The following PCDH15 variants were observed in gnomAD, a reference collection of about 807,000 sequenced individuals.
The protein encoded by PCDH15 is protocadherin-15.
Under a neutral mutation model 178.5 loss-of-function variants are expected in PCDH15, and 129 were observed. The observed-to-expected ratio is 0.72, with a 90% CI of 0.63 to 0.84. The LOEUF is 0.84. PCDH15 is among the 40% of genes least tolerant of loss of function. PCDH15 has a pLI of 0.00. For synonymous variants in PCDH15, 800 were observed against 732.0 expected (o/e 1.09, Z -1.50); for missense variants, 2,230 against 2,099.9 (o/e 1.06, Z -1.21).
intron 2 of PCDH15, among the ~76,000 whole-genome samples, chr10:55,156,461 C>T (rs1423498820): frequency 6.6e-6 from 1 of 152,024 alleles, no homozygotes; most frequent in African/African-American, 2.4e-5. Flanking sequence ...CAATTGGCAC[C>T]TCCATGTGGC....
At chr10:54,666,667 A>C (rs1009277724) in intron 1 of PCDH15, among the ~76,000 whole-genome samples, 1 of 152,068 alleles carries the variant, frequency 6.6e-6, no homozygotes, top group African/African-American at 2.4e-5. Flanking sequence ...ATACAAATAC[A>C]AACCAGAAAG....
intron 1 of PCDH15, among the ~76,000 whole-genome samples, chr10:55,261,770 T>C (rs770181075): frequency 1.3e-5 from 2 of 152,194 alleles, no homozygotes; most frequent in Non-Finnish European, 2.9e-5. Flanking sequence ...TTCTAAATCA[T>C]ATTTAAAAAG....
intron 1 of PCDH15, among the ~76,000 whole-genome samples, chr10:54,728,283 A>G (rs978847476): frequency 6.6e-6 from 1 of 151,514 alleles, no homozygotes; most frequent in African/African-American, 2.4e-5. Flanking sequence ...CCACATTTGC[A>G]ACACAATAAA....
At chr10:54,730,443 A>C (rs1160189817) in intron 1 of PCDH15, among the ~76,000 whole-genome samples, 1 of 151,546 alleles carries the variant, frequency 6.6e-6, no homozygotes, top group Non-Finnish European at 1.5e-5. Flanking sequence ...CCTATTGAGT[A>C]CTATGCTCAT....
intron 8 of PCDH15, among the ~76,000 whole-genome samples, chr10:54,310,932 A>G (rs1463992660): frequency 2.6e-5 from 4 of 152,110 alleles, no homozygotes; most frequent in African/African-American, 9.6e-5. Context: ...GATTTCCCAG[A>G]CTGTAATATA....
intron 2 of PCDH15, among the ~76,000 whole-genome samples, chr10:55,464,654 ATGTGTG>A (rs767779818): frequency 7.2e-5 from 1 of 13,814 alleles, no homozygotes; most frequent in Non-Finnish European, 9.6e-5. Context: ...ATATATATAT[ATGTGTG>A]TGTGTGTGTA....
intron 2 of PCDH15, among the ~76,000 whole-genome samples, chr10:55,620,821 T>G (rs1843576754): frequency 6.6e-6 from 1 of 151,472 alleles, no homozygotes; most frequent in South Asian, 2.1e-4. Flanking sequence ...TCCTAAAATT[T>G]TTAAATAATA....
chr10:53,996,044 A>AT (rs1427162866), intron 20 of PCDH15, among the ~76,000 whole-genome samples: 2 of 152,108 alleles, frequency 1.3e-5, no homozygotes, highest in Non-Finnish European at 2.9e-5. Flanking sequence ...TGACCCTGGA[A>AT]TTTTTTTCTA....
intron 2 of PCDH15, among the ~76,000 whole-genome samples, chr10:54,571,544 G>A (rs754849918): frequency 6.6e-6 from 1 of 152,044 alleles, no homozygotes; most frequent in Non-Finnish European, 1.5e-5. Flanking sequence ...ACTAACCCAT[G>A]AGGACTCACT....
At chr10:53,880,988 A>ATG (rs1011394265) in intron 26 of PCDH15, among the ~76,000 whole-genome samples, 4 of 152,082 alleles carry the variant, frequency 2.6e-5, no homozygotes, top group African/African-American at 9.7e-5. Flanking sequence ...CTGTATGTGT[A>ATG]TGTGTGTGTG....
chr10:54,012,812 C>A (rs1404266463), intron 20 of PCDH15, among the ~76,000 whole-genome samples: 1 of 151,974 alleles, frequency 6.6e-6, no homozygotes, highest in African/African-American at 2.4e-5. Context: ...ATGTGAACAG[C>A]CACTACAAAA....
chr10:55,105,546 G>A (rs771426633), intron 2 of PCDH15, among the ~76,000 whole-genome samples: 14 of 152,038 alleles, frequency 9.2e-5, no homozygotes, highest in Non-Finnish European at 1.6e-4. Flanking sequence ...GATATTTTAC[G>A]TTTATTTAAT....
chr10:54,878,737 G>A (rs1403797033), intron 3 of PCDH15, among the ~76,000 whole-genome samples: 4 of 152,088 alleles, frequency 2.6e-5, no homozygotes, highest in East Asian at 1.9e-4. Context: ...GTAAATGTGT[G>A]CCATGGTGGT....
rs1956858474 is a variant in PCDH15, at chr10:54,430,660, A to G, written c.158-51718T>C. Among the ~76,000 whole-genome samples the G allele has an allele frequency of 2.0e-5, 3 of 152,126 alleles. No individual in the cohort carries two copies. The South Asian group carries it at 6.2e-4, about 31-fold the overall frequency. ...GCAATAAGTGCCTACATCAAAAAAG[A>G]AGAAAATTTCAAAATAAATAATCAA... On this transcript the variant is annotated intron_variant, in intron 3 of 37. Coordinates refer to ENST00000644397, the MANE Select transcript of PCDH15 (RefSeq NM_001384140.1).
rs558905984 is a variant in PCDH15, at chr10:55,528,995, T to A, written c.-156+98630A>T. On this transcript the variant is annotated intron_variant, in intron 2 of 5. Coordinates refer to the PCDH15 transcript ENST00000613346. ...ATGGCTAGTGATGATGAGCATTTTTTCATGTGTTTTTTGGCTGCATAAATG... is the reference window on the plus strand; with the variant it reads ...ATGGCTAGTGATGATGAGCATTTTTACATGTGTTTTTTGGCTGCATAAATG... Among the ~76,000 whole-genome samples, 19 of 152,294 alleles carry A rather than the reference T, an allele frequency of 1.2e-4. No individual in the cohort carries two copies. The East Asian group carries it at 2.9e-3, about 23-fold the overall frequency.
At chr10:55,442,014 G>A (rs1208935579) in intron 2 of PCDH15, among the ~76,000 whole-genome samples, 2 of 152,116 alleles carry the variant, frequency 1.3e-5, no homozygotes, top group African/African-American at 4.8e-5. Context: ...TGGATTATCT[G>A]TAGAGCAACT....
intron 2 of PCDH15, among the ~76,000 whole-genome samples, chr10:55,438,233 T>C (rs911658728): frequency 2.0e-5 from 3 of 149,136 alleles, no homozygotes; most frequent in Non-Finnish European, 4.5e-5. Context: ...ACAAAATACC[T>C]ACATGCTCAT....
intron 2 of PCDH15, among the ~76,000 whole-genome samples, chr10:55,331,926 G>A (rs1321029319): frequency 6.6e-6 from 1 of 152,178 alleles, no homozygotes; most frequent in African/African-American, 2.4e-5. Flanking sequence ...AATGCAAGAG[G>A]AAGGAAGTGA....
intron 2 of PCDH15, among the ~76,000 whole-genome samples, chr10:54,627,475 ACT>A (rs926819849): frequency 6.6e-5 from 10 of 151,636 alleles, no homozygotes; most frequent in Non-Finnish European, 2.9e-5. Context: ...GCCTGCACAA[ACT>A]CTCTCTTTGC....
Sources: gnomAD v4.1 joint callset for allele counts (sites outside exome capture counted in the v4.1 genomes callset) on GRCh38, gnomAD v4.1.1 for gene constraint, MANE v1.5 for transcripts, NCBI Gene and HGNC (gene_info 2026-07-23, HGNC 2026-07-21) for gene names.